Variants in HCN1 observed in about 807,000 individuals in gnomAD.
HCN1 encodes hyperpolarization activated cyclic nucleotide gated potassium channel 1, also known as potassium/sodium hyperpolarization-activated cyclic nucleotide-gated channel 1.
In HCN1, 13 loss-of-function variants were observed where a neutral mutation model predicts 78.9. The ratio of observed to expected loss-of-function variants is 0.16; its 90% CI spans 0.11 to 0.26. HCN1 has a LOEUF of 0.26. HCN1 is among the 10% of genes least tolerant of loss of function. The pLI is 1.00. For missense variants in HCN1, 810 were observed against 1,154.3 expected, an observed-to-expected ratio of 0.70 and a Z score of 4.32; for synonymous variants, 552 against 455.5, an observed-to-expected ratio of 1.21 and a Z score of -2.70.
chr5:45,474,145 A>C (rs1029090696), intron 2 of HCN1, among the ~76,000 whole-genome samples: 5 of 151,952 alleles, frequency 3.3e-5, no homozygotes, highest in South Asian at 2.1e-4. Context: ...TTTTACTTAT[A>C]ATCAAGGCAC....
chr5:45,295,463 A>C (rs1452799353), intron 6 of HCN1, among the ~76,000 whole-genome samples: 1 of 152,000 alleles, frequency 6.6e-6, no homozygotes, highest in African/African-American at 2.4e-5. Context: ...AACACTACGT[A>C]AGACCTCTGC....
At chr5:45,649,225 TGTGA>T (rs1444402457) in intron 1 of HCN1, among the ~76,000 whole-genome samples, 2 of 152,120 alleles carry the variant, frequency 1.3e-5, no homozygotes, top group African/African-American at 4.8e-5. Flanking sequence ...TTTGTTTGTG[TGTGA>T]GTGTGTGTTT....
intron 5 of HCN1, among the ~76,000 whole-genome samples, chr5:45,315,957 G>A (rs1235368610): frequency 6.6e-6 from 1 of 152,116 alleles, no homozygotes. Context: ...AGGACCAGAT[G>A]GATTCCACAA....
At position 45,616,236 on chromosome 5, in the gene HCN1, C is replaced by T. The variant is rs185484267; in HGVS notation, c.849+28949G>A. The stretch of plus-strand genomic sequence containing the variant: ...ATGCAATGCCAAACTGTGGGCATAA[C>T]GTGATAATACATGGAGCACTTATAA... On this transcript the variant is annotated intron_variant, in intron 2 of 7. Coordinates refer to ENST00000303230, the MANE Select transcript of HCN1 (RefSeq NM_021072.4). Among the ~76,000 whole-genome samples the T allele has an allele frequency of 1.1e-4, 16 of 151,920 alleles. No homozygotes were observed. The East Asian group carries it at 1.6e-3, about 15-fold the overall frequency.
rs529004584 is a variant in HCN1, at chr5:45,273,130, C to T, written c.1619-5877G>A. Among the ~76,000 whole-genome samples, 20 of 151,808 alleles carry T rather than the reference C, an allele frequency of 1.3e-4. No homozygotes were observed. In the East Asian group the frequency reaches 1.5e-3, roughly 12 times the overall value. ...AATTGTAAAAGTAATGGGGACTTAG[C>T]GTATTAATTTTAATTCGGTAGAATT... On this transcript the variant is annotated intron_variant, in intron 6 of 7. Transcript: ENST00000303230.
chr5:45,262,601 G>A lies in HCN1; in HGVS notation c.1993C>T (p.Pro665Ser). 6.2e-7 allele frequency: 1 copy of A among 1,613,988 alleles called. No homozygotes were observed. Among genetic ancestry groups the A allele is most frequent in the Admixed American group, 1.7e-5 (1 of 60,020 alleles). The change falls in exon 8 of 8, where the codon CCA becomes TCA. Residue 665 changes from proline to serine, a missense_variant. Physicochemically the swap from Pro to Ser is moderately conservative, Grantham distance 74 (BLOSUM62 -1). Around this residue, in one of 6 missense-constraint regions of HCN1, gnomAD observed 398 missense variants for 381.3 expected, o/e 1.04. Transcript: ENST00000303230. ...AGGCTGGTCGCTGTGTACACCGGTGGAGATTGTGTCCTCATGCGGGAGGTC... is the reference window on the plus strand; with the variant it reads ...AGGCTGGTCGCTGTGTACACCGGTGAAGATTGTGTCCTCATGCGGGAGGTC... ...TPTSRMRTQS[P>S]PVYTATSLSH...
intron 2 of HCN1, among the ~76,000 whole-genome samples, chr5:45,464,446 C>A (rs1020227700): frequency 6.6e-5 from 10 of 152,088 alleles, no homozygotes; most frequent in Admixed American, 2.6e-4. Context: ...TCAGTAAGAA[C>A]TCACATAATT....
chr5:45,627,989 T>G (rs1745200006), intron 2 of HCN1, among the ~76,000 whole-genome samples: 1 of 152,200 alleles, frequency 6.6e-6, no homozygotes, highest in African/African-American at 2.4e-5. Context: ...TATATCAAAT[T>G]TTATTCGTGA....
intron 6 of HCN1, among the ~76,000 whole-genome samples, chr5:45,285,260 T>A (rs1045059639): frequency 1.3e-5 from 2 of 152,056 alleles, no homozygotes; most frequent in African/African-American, 2.4e-5. Context: ...TTGAAGATTT[T>A]GTTTAGGCAC....
At chr5:45,494,963 C>G (rs1280680331) in intron 2 of HCN1, among the ~76,000 whole-genome samples, 6 of 146,250 alleles carry the variant, frequency 4.1e-5, no homozygotes, top group African/African-American at 2.5e-5. Context: ...ATCTATATCT[C>G]TGTTTTGGTA....
intron 4 of HCN1, among the ~76,000 whole-genome samples, chr5:45,357,484 T>G (rs1747025493): frequency 6.6e-6 from 1 of 152,116 alleles, no homozygotes; most frequent in Non-Finnish European, 1.5e-5. Flanking sequence ...TTTCTGAAAT[T>G]CTTAGAAAAC....
intron 2 of HCN1, among the ~76,000 whole-genome samples, chr5:45,543,515 TA>T (rs1365704551): frequency 2.0e-5 from 3 of 152,004 alleles, no homozygotes; most frequent in Non-Finnish European, 4.4e-5. Context: ...CATAAACATT[TA>T]AAAATAACTA....
chr5:45,403,565 T>A (rs181165029), intron 3 of HCN1, among the ~76,000 whole-genome samples: 1 of 152,234 alleles, frequency 6.6e-6, no homozygotes, highest in Admixed American at 6.6e-5. Context: ...ACTCACTCAC[T>A]ATCATGAGAA....
intron 4 of HCN1, among the ~76,000 whole-genome samples, chr5:45,394,290 G>A (rs1739641846): frequency 6.6e-6 from 1 of 152,080 alleles, no homozygotes; most frequent in African/African-American, 2.4e-5. Context: ...TCTAGGAGAA[G>A]GATGCATGAG....
chr5:45,338,012 G>T (rs1031466672), intron 5 of HCN1, among the ~76,000 whole-genome samples: 1 of 152,090 alleles, frequency 6.6e-6, no homozygotes. Context: ...ATGGTATGAG[G>T]TTTTTGTAAG....
intron 2 of HCN1, among the ~76,000 whole-genome samples, chr5:45,522,308 G>A (rs1400406909): frequency 6.6e-6 from 1 of 151,870 alleles, no homozygotes; most frequent in African/African-American, 2.4e-5. Context: ...CATTTTCATA[G>A]GTTATAGAAA....
rs983336709 is a variant in HCN1, at chr5:45,696,145, C to A, written c.-52G>T. ...GCGGGCTCCAGACTCGCCGGCCGCC[C>A]GGCGCCGGAGACACGTAGCCGAGAG... is the stretch of plus-strand genomic sequence containing the variant. On this transcript the variant is annotated 5_prime_UTR_variant, in exon 1 of 8. Transcript: ENST00000303230. The A allele has an allele frequency of 1.6e-5, 19 of 1,222,030 alleles. No homozygotes were observed. In the African/African-American group the frequency reaches 2.1e-4, roughly 13 times the overall value. 75.7% of individuals were successfully genotyped at this position (1,222,030 alleles called of 1,614,324 possible).
At chr5:45,516,645 C>G (rs1427154890) in intron 2 of HCN1, among the ~76,000 whole-genome samples, 3 of 151,840 alleles carry the variant, frequency 2.0e-5, no homozygotes, top group Admixed American at 2.0e-4. Flanking sequence ...TTGTCAACTC[C>G]AGGATTAACT....
intron 3 of HCN1, among the ~76,000 whole-genome samples, chr5:45,399,298 C>T (rs772541263): frequency 3.9e-5 from 6 of 152,218 alleles, no homozygotes; most frequent in Non-Finnish European, 7.3e-5. Context: ...TTGCATGTCT[C>T]CTGTGCCTAC....
Sources: gnomAD v4.1 joint callset for allele counts (sites outside exome capture counted in the v4.1 genomes callset) on GRCh38, gnomAD v4.1.1 for gene constraint, gnomAD v4.1.1 regional missense constraint, MANE v1.5 for transcripts, NCBI Gene and HGNC (gene_info 2026-07-23, HGNC 2026-07-21) for gene names.